The following BCOR variants were observed in gnomAD, a reference collection of about 807,000 sequenced individuals.
The protein encoded by BCOR is BCL6 corepressor, also known as BCL-6 corepressor.
BCOR carries 10 observed loss-of-function variants against 86.7 expected under a neutral mutation model. The observed-to-expected ratio is 0.12, with a 90% CI of 0.07 to 0.20. The LOEUF (loss-of-function observed/expected upper bound fraction) is 0.20, where lower values mean the gene tolerates loss of function less well. BCOR is among the 10% of genes least tolerant of loss of function. The probability of loss-of-function intolerance (pLI) is 1.00; values close to 1 mark genes in which losing one functional copy is unlikely to be tolerated. For missense variants in BCOR, 1,259 were observed against 1,452.1 expected, an observed-to-expected ratio of 0.87 and a Z score of 2.16; for synonymous variants, 611 against 609.0, an observed-to-expected ratio of 1.00 and a Z score of -0.05.
intron 12 of BCOR, 126 bp downstream of exon 12, chrX:40,055,242 G>A (rs868344074): frequency 2.1e-5 from 14 of 677,538 alleles, no homozygotes; most frequent in South Asian, 1.7e-4. Context: ...TCAAACACTC[G>A]GCTGCTCTCC....
intron 1 of BCOR, among the ~76,000 whole-genome samples, chrX:40,155,765 G>A (rs919434208): frequency 4.4e-5 from 5 of 112,812 alleles, no homozygotes; most frequent in Non-Finnish European, 7.5e-5. Flanking sequence ...GATAATGTGC[G>A]ATCAACACCA....
intron 1 of BCOR, among the ~76,000 whole-genome samples, chrX:40,139,255 C>T (rs1937756350): frequency 1.0e-5 from 1 of 99,071 alleles, no homozygotes; most frequent in East Asian, 3.3e-4. Flanking sequence ...CAAGGGTAGG[C>T]GTGTTGAATA....
intron 1 of BCOR, among the ~76,000 whole-genome samples, chrX:40,079,318 G>C (rs967935498): frequency 8.9e-6 from 1 of 112,470 alleles, no homozygotes; most frequent in African/African-American, 3.2e-5. Context: ...TTAGCACACG[G>C]AGCAGACTGC....
intron 1 of BCOR, among the ~76,000 whole-genome samples, chrX:40,159,040 TA>T (rs1460276569): frequency 2.8e-5 from 3 of 108,196 alleles, no homozygotes; most frequent in Non-Finnish European, 5.7e-5. Flanking sequence ...CCAATTATTT[TA>T]AAAATAATCT....
chrX:40,066,205 C>A (rs757082019), intron 6 of BCOR, among the ~76,000 whole-genome samples: 1 of 111,910 alleles, frequency 8.9e-6, no homozygotes, highest in South Asian at 3.8e-4. Flanking sequence ...TCTGTAGGTA[C>A]AACCAGCAAC....
chrX:40,117,453 T>A lies in BCOR; in HGVS notation c.-40-39484A>T, dbSNP rs765569054. ...TTCCTCATTTGTAATTACATATTAT[T>A]ATTTTTCTCCCTACTTTGTTCCAAT... is the stretch of plus-strand genomic sequence containing the variant. On this transcript the variant is annotated intron_variant, in intron 1 of 14. Transcript: ENST00000342274. 2.7e-5 allele frequency among the ~76,000 whole-genome samples: 3 copies of A among 112,125 alleles called. No homozygotes were observed. In the East Asian group the frequency reaches 8.3e-4, roughly 31 times the overall value.
intron 6 of BCOR, among the ~76,000 whole-genome samples, chrX:40,065,806 T>C (rs1192084464): frequency 9.0e-6 from 1 of 110,687 alleles, no homozygotes; most frequent in African/African-American, 3.3e-5. Flanking sequence ...CAAGTCAATT[T>C]CTAGATGAAA....
rs1272820729 is a variant in BCOR at position 40,072,335 on chromosome X, G to A, written c.2997+14C>T. 1.5e-5 allele frequency: 18 copies of A among 1,201,932 alleles called. No homozygotes were observed. Among genetic ancestry groups the A allele is most frequent in the Non-Finnish European group, 2.0e-5 (18 of 890,853 alleles). ...AACTGGTAAAGTAACTGAAATTCAG[G>A]TGGGGGGGCTCACCTGCAATGCCCG... On this transcript the variant is annotated intron_variant, in intron 4 of 14. Coordinates refer to ENST00000378444, the MANE Select transcript of BCOR (RefSeq NM_001123385.2).
chrX:40,115,297 A>G (rs1937377001), intron 1 of BCOR, among the ~76,000 whole-genome samples: 1 of 112,062 alleles, frequency 8.9e-6, no homozygotes, highest in East Asian at 2.8e-4. Flanking sequence ...GATCCTACAT[A>G]GCTTCTGCAA....
Position 40,064,580 on chromosome X carries a change from G to C in BCOR, c.3258C>G (p.Asn1086Lys). ...ESERCEYSVG[N>K]KHRDPFEAPE... ...GGGCTTCAAAGGGATCACGGTGCTTGTTTCCAACACTATACTCGCCTGGGG... is the reference window on the plus strand; with the variant it reads ...GGGCTTCAAAGGGATCACGGTGCTTCTTTCCAACACTATACTCGCCTGGGG... The change falls in exon 7 of 15, where the codon AAC (asparagine) becomes AAG (lysine). Residue 1086 changes from asparagine to lysine, a missense_variant. Around this residue, in one of 7 missense-constraint regions of BCOR, gnomAD observed 305 missense variants for 286.1 expected, o/e 1.07. Transcript: ENST00000378444. 1 of 1,211,871 alleles carries C rather than the reference G, an allele frequency of 8.3e-7. No homozygotes were observed.
intron 4 of BCOR, 67 bp from the exon 5 acceptor site, chrX:40,071,757 C>A (rs2147190494): frequency 1.2e-6 from 1 of 828,510 alleles, no homozygotes; most frequent in Non-Finnish European, 1.8e-6. Flanking sequence ...TAAGCATAAA[C>A]CAATTTTTTT....
chrX:40,082,272 A>G (rs1364720916), intron 1 of BCOR, among the ~76,000 whole-genome samples: 1 of 63,125 alleles, frequency 1.6e-5, no homozygotes, highest in Non-Finnish European at 3.0e-5. Flanking sequence ...GCCACTTTCC[A>G]CTGCCCCCAC....
chrX:40,165,542 T>G (rs768316199), intron 1 of BCOR, among the ~76,000 whole-genome samples: 1 of 112,452 alleles, frequency 8.9e-6, no homozygotes, highest in East Asian at 2.8e-4. Context: ...CAAGGCTGGC[T>G]TGGCTTCCCA....
chrX:40,164,671 G>C (rs935588387), intron 1 of BCOR, among the ~76,000 whole-genome samples: 1 of 111,838 alleles, frequency 8.9e-6, no homozygotes, highest in Non-Finnish European at 1.9e-5. Context: ...TTTCCACCAG[G>C]CTGGTTTTGC....
intron 1 of BCOR, among the ~76,000 whole-genome samples, chrX:40,083,798 C>T (rs950065603): frequency 2.7e-5 from 3 of 112,275 alleles, no homozygotes; most frequent in African/African-American, 9.7e-5. Context: ...CTTCCAGGAA[C>T]TCCAGCAGCC....
chrX:40,174,059 C>G (rs758600561), intron 1 of BCOR, among the ~76,000 whole-genome samples: 3 of 113,162 alleles, frequency 2.7e-5, no homozygotes, highest in Non-Finnish European at 5.6e-5. Flanking sequence ...CCTAGGGAGG[C>G]CTCGGCCTCC....
At chrX:40,068,795 T>C (rs1935325544) in intron 6 of BCOR, among the ~76,000 whole-genome samples, 1 of 113,008 alleles carries the variant, frequency 8.8e-6, no homozygotes, top group African/African-American at 3.2e-5. Flanking sequence ...ACCCATACTA[T>C]CACTAAGAGT....
chrX:40,099,381 G>A (rs1370348567), upstream of BCOR, among the ~76,000 whole-genome samples: 3 of 111,636 alleles, frequency 2.7e-5, no homozygotes, highest in Admixed American at 1.9e-4. Context: ...CCCAGACTGC[G>A]GGCCCGGACT....
At chrX:40,173,816 G>T (rs753045971) in intron 1 of BCOR, among the ~76,000 whole-genome samples, 1 of 112,710 alleles carries the variant, frequency 8.9e-6, no homozygotes, top group African/African-American at 3.2e-5. Flanking sequence ...AGTTCTCGGA[G>T]GAGTTGGCCA....
Sources: gnomAD v4.1 joint callset for allele counts (sites outside exome capture counted in the v4.1 genomes callset) on GRCh38, gnomAD v4.1.1 for gene constraint, gnomAD v4.1.1 regional missense constraint, MANE v1.5 for transcripts, NCBI Gene and HGNC (gene_info 2026-07-23, HGNC 2026-07-21) for gene names.